The following PRSS55 variants were observed in gnomAD, a reference collection of about 807,000 sequenced individuals.
PRSS55 encodes the protein probable serine protease UNQ9391/PRO34284.
In PRSS55, 41 loss-of-function variants were observed where a neutral mutation model predicts 23.6. The ratio of observed to expected loss-of-function variants is 1.74; its 90% CI spans 1.35 to 2.26. The LOEUF (loss-of-function observed/expected upper bound fraction) is 2.26. Among genes scored for constraint, PRSS55 ranks in the 30% most tolerant of loss-of-function variants. PRSS55 has a pLI of 0.00. For synonymous variants in PRSS55, 262 were observed against 175.5 expected (o/e 1.49, Z -3.90); for missense variants, 669 against 439.1 (o/e 1.52, Z -4.68).
chr8:10,554,114 G>C, exon 5 of PRSS55: 1 of 882,974 alleles, frequency 1.1e-6, no homozygotes, highest in South Asian at 1.9e-5. Context: ...GAAAATCTTT[G>C]AGGGTGTTTT....
downstream of PRSS55, among the ~76,000 whole-genome samples, chr8:10,543,371 C>G (rs1021677045): frequency 6.6e-6 from 1 of 152,092 alleles, no homozygotes; most frequent in South Asian, 2.1e-4. Flanking sequence ...CCCCTAGAGC[C>G]AGGCATGCCT....
intron 4 of PRSS55, among the ~76,000 whole-genome samples, chr8:10,550,829 CACGTGTGTGT>C (rs1201289207): frequency 6.6e-6 from 1 of 152,198 alleles, no homozygotes; most frequent in Admixed American, 6.5e-5. Context: ...CGTGTGTGTG[CACGTGTGTGT>C]GCGTGAGCAC....
intron 3 of PRSS55, 76 bp downstream of exon 3, chr8:10,531,621 G>A (rs1812270660): frequency 2.5e-6 from 4 of 1,570,166 alleles, no homozygotes; most frequent in Admixed American, 3.4e-5. Flanking sequence ...TAAGGAAGGA[G>A]TGAGGACAAG....
rs543289589 is a variant in PRSS55, at chr8:10,535,175, C to A, written c.741+2127C>A. On this transcript the variant is annotated intron_variant, in intron 4 of 4. Transcript: ENST00000328655. ...TTTACAGATTCAATACTATCCCTAT[C>A]AAACTACCAATGACATTATTCACAG... Among the ~76,000 whole-genome samples, 5 of 152,308 alleles carry A rather than the reference C, an allele frequency of 3.3e-5. No individual in the cohort carries two copies. The South Asian group carries it at 1.0e-3, about 32-fold the overall frequency.
intron 4 of PRSS55, among the ~76,000 whole-genome samples, chr8:10,533,781 T>G (rs997347237): frequency 2.0e-5 from 3 of 152,164 alleles, no homozygotes; most frequent in African/African-American, 7.2e-5. Context: ...GTGGACCTTG[T>G]CGTTGGTATA....
downstream of PRSS55, among the ~76,000 whole-genome samples, chr8:10,542,611 T>A (rs1188742665): frequency 1.3e-5 from 2 of 151,928 alleles, no homozygotes; most frequent in Non-Finnish European, 2.9e-5. Context: ...GGCTCATGTC[T>A]AATCCCAGCA....
chr8:10,546,176 C>T (rs973086904), intron 4 of PRSS55, among the ~76,000 whole-genome samples: 4 of 152,146 alleles, frequency 2.6e-5, no homozygotes, highest in Admixed American at 6.5e-5. Context: ...GCCCCAAGAA[C>T]GTGAGCCTCT....
downstream of PRSS55, among the ~76,000 whole-genome samples, chr8:10,543,760 T>C (rs1812738097): frequency 6.6e-6 from 1 of 152,050 alleles, no homozygotes; most frequent in Non-Finnish European, 1.5e-5. Flanking sequence ...TTAAAGTATT[T>C]TCTAATTTCC....
At chr8:10,527,134 C>T (rs539818856) in intron 1 of PRSS55, among the ~76,000 whole-genome samples, 66 of 152,352 alleles carry the variant, frequency 4.3e-4, no homozygotes, top group African/African-American at 1.6e-3. Flanking sequence ...TGATTTTCAT[C>T]CTGACTTTTT....
intron 3 of PRSS55, among the ~76,000 whole-genome samples, chr8:10,532,663 GTCT>G (rs1390915648): frequency 6.6e-6 from 1 of 152,250 alleles, no homozygotes; most frequent in African/African-American, 2.4e-5. Flanking sequence ...CAAGTTGGAA[GTCT>G]TCTTGGGAGT....
chr8:10,531,636 G>A, intron 3 of PRSS55, 91 bp downstream of exon 3: 1 of 1,533,684 alleles, frequency 6.5e-7, no homozygotes, highest in Non-Finnish European at 8.8e-7. Context: ...GACAAGACTT[G>A]CATTGGAGCA....
chr8:10,546,023 G>A (rs1457422679), intron 4 of PRSS55, among the ~76,000 whole-genome samples: 2 of 152,056 alleles, frequency 1.3e-5, no homozygotes, highest in African/African-American at 2.4e-5. Context: ...GCAGCTGCTG[G>A]GCACAGATGG....
chr8:10,536,303 G>A (rs1184260091), intron 4 of PRSS55, among the ~76,000 whole-genome samples: 1 of 152,006 alleles, frequency 6.6e-6, no homozygotes, highest in East Asian at 1.9e-4. Flanking sequence ...GCAAATCAAA[G>A]CCACAATGAG....
At chr8:10,548,095 C>T (rs1812863076) in intron 4 of PRSS55, among the ~76,000 whole-genome samples, 1 of 152,138 alleles carries the variant, frequency 6.6e-6, no homozygotes, top group South Asian at 2.1e-4. Context: ...TCGGGGATCT[C>T]TGGGCCTTTC....
intron 4 of PRSS55, chr8:10,545,097 T>G (rs1585892979): frequency 2.9e-6 from 2 of 681,246 alleles, no homozygotes; most frequent in Non-Finnish European, 3.6e-6. Context: ...TGGTTTTGCT[T>G]CGAAATTTCC....
At chr8:10,548,054 A>G (rs1020782610) in intron 4 of PRSS55, among the ~76,000 whole-genome samples, 3 of 152,138 alleles carry the variant, frequency 2.0e-5, no homozygotes, top group African/African-American at 7.2e-5. Flanking sequence ...CAGGAGGCTC[A>G]GGACAGGACT....
rs541234437 is a variant in PRSS55, at chr8:10,548,495, A to G, written c.742-5448A>G. On this transcript the variant is annotated intron_variant, in intron 4 of 4. Coordinates refer to the PRSS55 transcript ENST00000522210. ...GGCATTGCATCCGATGGGCTGTGGCACCGCGGGGCTGCACTGGGTCCTGGG... is the reference window on the plus strand; with the variant it reads ...GGCATTGCATCCGATGGGCTGTGGCGCCGCGGGGCTGCACTGGGTCCTGGG... 4.5e-4 allele frequency among the ~76,000 whole-genome samples: 68 copies of G among 152,006 alleles called. 2 individuals carry two copies. The South Asian group carries it at 0.013, about 29-fold the overall frequency.
chr8:10,543,478 C>CTTTTCTTTTCTTTTCTTTTCTT (rs61064986), downstream of PRSS55, among the ~76,000 whole-genome samples: 48 of 101,610 alleles, frequency 4.7e-4, 1 homozygote, highest in Non-Finnish European at 6.4e-4. Context: ...CTTTCTTTCT[C>CTTTTCTTTTCTTTTCTTTTCTT]TCTTTTTTTT....
intron 4 of PRSS55, among the ~76,000 whole-genome samples, chr8:10,546,562 A>C (rs144735207): frequency 0.017 from 2,555 of 152,292 alleles, 80 homozygotes; most frequent in African/African-American, 0.057. Flanking sequence ...CCAAAGCCTT[A>C]GACTTGGCTC....
Sources: allele counts gnomAD v4.1 joint callset (sites outside exome capture counted in the v4.1 genomes callset), GRCh38; gene constraint gnomAD v4.1.1; transcripts MANE v1.5; gene names NCBI Gene and HGNC (gene_info 2026-07-23, HGNC 2026-07-21).